DAB2IP: variants seen among roughly 807,000 people sequenced by gnomAD.
The protein encoded by DAB2IP is disabled homolog 2-interacting protein.
A neutral mutation model predicts 107.2 loss-of-function variants in DAB2IP; 28 were observed. The observed-to-expected ratio is 0.26, with a 90% CI of 0.19 to 0.36. The LOEUF is 0.36. DAB2IP is among the 10% of genes least tolerant of loss of function. The pLI, the probability that DAB2IP is intolerant of heterozygous loss-of-function variation, is 1.00. For synonymous variants in DAB2IP, 755 were observed against 706.4 expected, an observed-to-expected ratio of 1.07 and a Z score of -1.09; for missense variants, 1,400 against 1,644.7, an observed-to-expected ratio of 0.85 and a Z score of 2.57.
chr9:121,672,220 C>T (rs1213768470), intron 1 of DAB2IP, among the ~76,000 whole-genome samples: 4 of 152,160 alleles, frequency 2.6e-5, no homozygotes, highest in South Asian at 2.1e-4. Context: ...CGATCACTGC[C>T]GAGGACACAG....
At chr9:121,706,138 G>A (rs1830048182) in intron 3 of DAB2IP, among the ~76,000 whole-genome samples, 1 of 152,208 alleles carries the variant, frequency 6.6e-6, no homozygotes, top group Non-Finnish European at 1.5e-5. Flanking sequence ...AACCTCTGGT[G>A]GTTCTAGTCT....
rs749151659 is a variant in DAB2IP, at chr9:121,759,882, C to T, written c.616-3C>T. 2.0e-5 allele frequency: 33 copies of T among 1,610,598 alleles called. No individual in the cohort carries two copies. Among genetic ancestry groups the T allele is most frequent in the Middle Eastern group, 3.3e-4 (2 of 6,048 alleles). On this transcript the variant is annotated splice_polypyrimidine_tract_variant and splice_region_variant and intron_variant, in intron 5 of 15. Coordinates refer to ENST00000408936, the Ensembl canonical transcript of DAB2IP. ...ACCACCCTGGACCCCCGTGCACATA[C>T]AGGACAACAGCCGGCGTGTGGAGCA... is the stretch of plus-strand genomic sequence containing the variant.
At chr9:121,680,604 G>T (rs1828534387) in intron 2 of DAB2IP, among the ~76,000 whole-genome samples, 1 of 152,144 alleles carries the variant, frequency 6.6e-6, no homozygotes, top group South Asian at 2.1e-4. Context: ...GCCACAGCAG[G>T]CAGGGTGGGC....
In DAB2IP at chr9:121,772,204, G is replaced by C. The variant is rs1383925381; in HGVS notation, c.2079-403G>C. ...AGAGGGAAGAGGCAGAGGGAACCCA[G>C]TGACTCTGAAGTTGGGGTTCTCAAT... is the stretch of plus-strand genomic sequence containing the variant. On this transcript the variant is annotated intron_variant, in intron 11 of 15. Transcript: ENST00000408936. The surrounding 1 kb of genome is among the most constrained non-coding windows in gnomAD (Gnocchi z 4.7). Among the ~76,000 whole-genome samples the C allele has an allele frequency of 6.6e-6, 1 of 152,220 alleles. No homozygotes were observed. Among genetic ancestry groups the C allele is most frequent in the East Asian group, 1.9e-4 (1 of 5,194 alleles).
At chr9:121,660,430 G>A (rs1456904247) in intron 1 of DAB2IP, among the ~76,000 whole-genome samples, 1 of 152,194 alleles carries the variant, frequency 6.6e-6, no homozygotes, top group Non-Finnish European at 1.5e-5. Flanking sequence ...AGCTAGACTG[G>A]TATGGTGCAG....
intron 1 of DAB2IP, among the ~76,000 whole-genome samples, chr9:121,577,505 G>A (rs887632877): frequency 5.3e-5 from 8 of 152,346 alleles, no homozygotes; most frequent in East Asian, 1.9e-4. Context: ...TCAGGAGCCC[G>A]TGAGTGAGCA....
chr9:121,677,281 G>T (rs996052403), intron 1 of DAB2IP, among the ~76,000 whole-genome samples: 1 of 152,204 alleles, frequency 6.6e-6, no homozygotes, highest in Admixed American at 6.5e-5. Context: ...CACTTTGGGA[G>T]GCCAAGGTGG....
chr9:121,635,704 G>C lies in DAB2IP; in HGVS notation c.41-42974G>C, dbSNP rs1292333880. ...GAGAGGGTGGGGCTTGAGGGTGGAG[G>C]CCATTCAAACACAAAGCACTCTGGG... On this transcript the variant is annotated intron_variant, in intron 1 of 16. Transcript: ENST00000259371. This position sits in a 1 kb window ranked among gnomAD's most constrained non-coding sequence, Gnocchi z 4.3. Among the ~76,000 whole-genome samples, 1 of 152,212 alleles carries C rather than the reference G, an allele frequency of 6.6e-6. No individual in the cohort carries two copies. The highest frequency in any genetic ancestry group is 1.5e-5 in the Non-Finnish European group (1 of 68,032).
At chr9:121,586,806 T>TAAA (rs902417135) in intron 1 of DAB2IP, among the ~76,000 whole-genome samples, 1 of 140,142 alleles carries the variant, frequency 7.1e-6, no homozygotes. Context: ...GGTGACAAAG[T>TAAA]AAAAAAAAAA....
intron 1 of DAB2IP, among the ~76,000 whole-genome samples, chr9:121,585,583 G>A (rs961206630): frequency 3.3e-5 from 5 of 152,164 alleles, no homozygotes; most frequent in African/African-American, 9.7e-5. Flanking sequence ...TTGGCTGGGC[G>A]CGGTGGCTCA....
rs1828760023 is a variant in DAB2IP at position 121,684,509 on chromosome 9, C to A, written c.228+5728C>A. 6.6e-6 allele frequency among the ~76,000 whole-genome samples: 1 copy of A among 152,196 alleles called. No individual in the cohort carries two copies. The highest frequency in any genetic ancestry group is 6.5e-5 in the Admixed American group (1 of 15,284). Reference sequence around the variant, plus strand: ...TCTTTGGTCCAACTGCCCTCGGAGCCCCACGACAGCTCCTTCCCGCTCATC... The same window carrying A: ...TCTTTGGTCCAACTGCCCTCGGAGCACCACGACAGCTCCTTCCCGCTCATC... On this transcript the variant is annotated intron_variant, in intron 2 of 15. Transcript: ENST00000408936. The surrounding 1 kb of genome is among the most constrained non-coding windows in gnomAD (Gnocchi z 4.0).
rs142536425 is a variant in DAB2IP at position 121,743,742 on chromosome 9, A to G, written c.363-13271A>G. 7.2e-3 allele frequency among the ~76,000 whole-genome samples: 1,099 copies of G among 152,252 alleles called. 18 individuals carry two copies. The highest frequency in any genetic ancestry group is 0.025 in the African/African-American group (1,050 of 41,550). On this transcript the variant is annotated intron_variant, in intron 3 of 15. Coordinates refer to ENST00000408936, the Ensembl canonical transcript of DAB2IP. The stretch of plus-strand genomic sequence containing the variant: ...GAGTGGCCTGAGCGGAGCTTAGAAT[A>G]AGAGAGGCTGGGAAAGCCAGGAGGG...
intron 1 of DAB2IP, among the ~76,000 whole-genome samples, chr9:121,571,309 A>G (rs935874614): frequency 1.2e-4 from 19 of 152,148 alleles, no homozygotes; most frequent in Non-Finnish European, 2.1e-4. Context: ...CCCAGAGCAT[A>G]GTTCTCCACC....
chr9:121,771,442 G>T (rs985834697), intron 11 of DAB2IP, among the ~76,000 whole-genome samples: 1 of 152,162 alleles, frequency 6.6e-6, no homozygotes, highest in African/African-American at 2.4e-5. Context: ...CAAGGTGGTG[G>T]CAGGGCAGGC....
chr9:121,628,180 T>C (rs1389046983), intron 1 of DAB2IP, among the ~76,000 whole-genome samples: 1 of 152,262 alleles, frequency 6.6e-6, no homozygotes, highest in Non-Finnish European at 1.5e-5. Flanking sequence ...GTGAATCTGC[T>C]GACTTTGTTC....
intron 3 of DAB2IP, among the ~76,000 whole-genome samples, chr9:121,720,838 A>G (rs1830884480): frequency 6.6e-6 from 1 of 152,136 alleles, no homozygotes; most frequent in African/African-American, 2.4e-5. Flanking sequence ...TGCTGGGGAC[A>G]ATTGTCTGTG....
chr9:121,692,170 G>A (rs1395907929), intron 2 of DAB2IP, among the ~76,000 whole-genome samples: 1 of 152,186 alleles, frequency 6.6e-6, no homozygotes, highest in East Asian at 1.9e-4. Context: ...TTGTGTGTCT[G>A]CACAATTCTG....
chr9:121,599,567 G>A lies in DAB2IP; in HGVS notation c.40+32339G>A, dbSNP rs892164518. Reference sequence around the variant, plus strand: ...GCGGCGGCGCCGGGGGAGGCGCGGAGCCGGCCGTAGCGCGCTCCTGCCTGG... The same window carrying A: ...GCGGCGGCGCCGGGGGAGGCGCGGAACCGGCCGTAGCGCGCTCCTGCCTGG... On this transcript the variant is annotated intron_variant, in intron 1 of 16. Transcript: ENST00000259371. The surrounding 1 kb of genome is among the most constrained non-coding windows in gnomAD (Gnocchi z 6.9). 6.6e-6 allele frequency among the ~76,000 whole-genome samples: 1 copy of A among 151,912 alleles called. No homozygotes were observed. Among genetic ancestry groups the A allele is most frequent in the African/African-American group, 2.4e-5 (1 of 41,410 alleles).
Position 121,774,327 on chromosome 9 carries a change from AGTT to A in DAB2IP, c.3039_3041del (p.Leu1014del), listed in dbSNP as rs778999852. 1.3e-4 allele frequency: 214 copies of A among 1,613,398 alleles called. 1 individual carries two copies. The African/African-American group carries it at 1.7e-3, about 13-fold the overall frequency. On this transcript the variant is annotated inframe_deletion, in exon 13 of 16. Coordinates refer to ENST00000408936, the Ensembl canonical transcript of DAB2IP. The stretch of plus-strand genomic sequence containing the variant: ...GCTTGGCTCTTGACCATGAACGCGC[AGTT>A]GTTAGAAGACGAGGGCCTGGGCCCA...
Sources: gnomAD v4.1 joint callset for allele counts (sites outside exome capture counted in the v4.1 genomes callset) on GRCh38, gnomAD v4.1.1 for gene constraint, Gnocchi (gnomAD v3.1) non-coding constraint, MANE v1.5 for transcripts, NCBI Gene and HGNC (gene_info 2026-07-23, HGNC 2026-07-21) for gene names.